Variants in ACOX1 observed in about 807,000 individuals in gnomAD.
The protein encoded by ACOX1 is acyl-CoA oxidase 1, also known as peroxisomal acyl-coenzyme A oxidase 1.
ACOX1 carries 41 observed loss-of-function variants against 75.5 expected under a neutral mutation model. The ratio of observed to expected loss-of-function variants is 0.54; its 90% CI spans 0.42 to 0.70. The LOEUF (loss-of-function observed/expected upper bound fraction) is 0.70. Ranked by LOEUF, ACOX1 falls within the 30% of genes least tolerant of loss-of-function variation. The pLI, the probability that ACOX1 is intolerant of heterozygous loss-of-function variation, is 0.00. For missense variants in ACOX1, 630 were observed against 837.5 expected (o/e 0.75, Z 3.06); for synonymous variants, 303 against 298.8 (o/e 1.01, Z -0.15).
At chr17:75,975,980 G>A (rs1384108055) in intron 2 of ACOX1, among the ~76,000 whole-genome samples, 1 of 151,990 alleles carries the variant, frequency 6.6e-6, no homozygotes, top group African/African-American at 2.4e-5. Context: ...AGAAAGAAAG[G>A]TGATGTATTT....
chr17:75,948,905 G>A lies in ACOX1; in HGVS notation c.1728+312C>T, dbSNP rs113620479. ...GACAGAGTATTGCTCTGTCACCCAG[G>A]CTGGAATGCAGTGGTTTCATCTTGG... On this transcript the variant is annotated intron_variant, in intron 12 of 13. Transcript: ENST00000293217. Among the ~76,000 whole-genome samples the A allele has an allele frequency of 0.12, 17,845 of 149,008 alleles. 1,622 individuals are homozygous for A. Among genetic ancestry groups the A allele is most frequent in the African/African-American group, 0.25 (10,217 of 40,230 alleles).
At chr17:75,970,755 T>G (rs1161398930) in intron 2 of ACOX1, among the ~76,000 whole-genome samples, 1 of 152,240 alleles carries the variant, frequency 6.6e-6, no homozygotes, top group Admixed American at 6.5e-5. Context: ...TAGTTAGATC[T>G]CATTCTATAT....
intron 2 of ACOX1, among the ~76,000 whole-genome samples, chr17:75,967,667 TATACATATATATACGTATATATATAC>T (rs1424601099): frequency 1.0e-5 from 1 of 98,560 alleles, no homozygotes; most frequent in Admixed American, 9.5e-5. Context: ...CATACATATA[TATACATATATATACGTATATATATAC>T]ATACATATAT....
intron 9 of ACOX1, 72 bp from the exon 10 acceptor site, chr17:75,949,969 C>T: frequency 6.4e-7 from 1 of 1,552,280 alleles, no homozygotes; most frequent in South Asian, 1.1e-5. Flanking sequence ...GAGTTTCATT[C>T]TTGTTGCCTA....
chr17:75,956,439 C>T (rs987494313), intron 4 of ACOX1, among the ~76,000 whole-genome samples: 2 of 152,034 alleles, frequency 1.3e-5, no homozygotes, highest in South Asian at 2.1e-4. Flanking sequence ...GCCTGTAATT[C>T]CAGCACTTTG....
chr17:75,959,848 G>T lies in ACOX1; in HGVS notation c.430+367C>A, dbSNP rs2144270435. Among the ~76,000 whole-genome samples the T allele has an allele frequency of 3.3e-5, 5 of 152,228 alleles. No individual in the cohort carries two copies. In the Middle Eastern group the frequency reaches 0.01, roughly 311 times the overall value. ...TCTTCTGGAATTTGTACTCATTAAG[G>T]TATCAGTAGTAAAGGTAATCAGATA... is the stretch of plus-strand genomic sequence containing the variant. On this transcript the variant is annotated intron_variant, in intron 3 of 13. Transcript: ENST00000293217.
chr17:75,956,428 C>T (rs1286876933), intron 4 of ACOX1, among the ~76,000 whole-genome samples: 12 of 152,036 alleles, frequency 7.9e-5, no homozygotes, highest in African/African-American at 1.4e-4. Context: ...CGGTGGCTCG[C>T]GCCTGTAATT....
intron 2 of ACOX1, among the ~76,000 whole-genome samples, chr17:75,967,714 A>T (rs372051374): frequency 7.5e-6 from 1 of 134,046 alleles, no homozygotes; most frequent in Non-Finnish European, 1.6e-5. Context: ...ATACATATAT[A>T]TATACACATA....
At chr17:75,972,321 T>C (rs561438402) in intron 2 of ACOX1, among the ~76,000 whole-genome samples, 982 of 90,880 alleles carry the variant, frequency 0.011, 9 homozygotes, top group Non-Finnish European at 0.016. Flanking sequence ...AGTGAGACTC[T>C]GTCTCCAAAA....
In ACOX1 at chr17:75,950,843, A is replaced by G. The variant is rs1212161854; in HGVS notation, c.1229T>C (p.Ile410Thr). The change falls in exon 9 of 14, where the codon ATT (isoleucine) becomes ACT (threonine). Residue 410 changes from isoleucine to threonine, a missense_variant. By Grantham distance (89) the Ile-to-Thr change is moderately conservative. This residue lies in a region of ACOX1 where 390 missense variants were observed against 574.9 expected (regional missense o/e 0.68). Transcript: ENST00000293217. This position sits in a 1 kb window ranked among gnomAD's most constrained non-coding sequence, Gnocchi z 4.3. ...GYSHCSGLPN[I>T]YVNFTPSCTF... is the part of the protein sequence containing the mutation. ...ACAGCTTGGGGTGAAATTGACATAA[A>G]TATTTGGAAGACCACTGCAATGAGA... 6.2e-7 allele frequency: 1 copy of G among 1,614,158 alleles called. No homozygotes were observed. Among genetic ancestry groups the G allele is most frequent in the South Asian group, 1.1e-5 (1 of 91,082 alleles).
At position 75,950,561 on chromosome 17, in the gene ACOX1, T is replaced by C. The variant is rs7217955; in HGVS notation, c.1298+213A>G. ...CACTGTGCCCAGCCCAGTAACTCTA[T>C]CCTTGATACAACTGCAAGCTATGTA... On this transcript the variant is annotated intron_variant, in intron 9 of 13. Transcript: ENST00000293217. This position sits in a 1 kb window ranked among gnomAD's most constrained non-coding sequence, Gnocchi z 4.3. Among the ~76,000 whole-genome samples, 28,115 of 152,056 alleles carry C rather than the reference T, an allele frequency of 0.18. 4,984 individuals carry two copies. The highest frequency in any genetic ancestry group is 0.47 in the African/African-American group (19,337 of 41,410).
intron 4 of ACOX1, among the ~76,000 whole-genome samples, chr17:75,956,909 T>TCCCC (rs1306653590): frequency 6.2e-5 from 2 of 32,104 alleles, no homozygotes; most frequent in African/African-American, 1.7e-4. Context: ...TGCCTGGCTT[T>TCCCC]CCTCTCTCTC....
rs1224454300 is a variant in ACOX1, at chr17:75,978,336, G to C, written c.269+198C>G. 2 of 557,870 alleles carry C rather than the reference G, an allele frequency of 3.6e-6. No homozygotes were observed. The highest frequency in any genetic ancestry group is 3.8e-5 in the African/African-American group (2 of 53,012). 34.6% of individuals were successfully genotyped at this position (557,870 alleles called of 1,614,324 possible). On this transcript the variant is annotated intron_variant, in intron 2 of 13. Coordinates refer to ENST00000293217, the MANE Select transcript of ACOX1 (RefSeq NM_004035.7). This position sits in a 1 kb window ranked among gnomAD's most constrained non-coding sequence, Gnocchi z 4.2. ...TCTCGATCTCCTGACTTGGTGATCC[G>C]CCCGCCTCGGCCTCCCAAAGTGCTG...
At position 75,942,700 on chromosome 17, in the gene ACOX1, T is replaced by C. The variant is rs994089593; in HGVS notation, c.*4048A>G. On this transcript the variant is annotated 3_prime_UTR_variant, in exon 14 of 14. Transcript: ENST00000293217. ...TAGCAGCTACTGCTTGAAGACAACC[T>C]ATATATCCCAGGCATACCCTCTACA... The C allele has an allele frequency of 3.9e-5, 6 of 151,994 alleles. No homozygotes were observed. The highest frequency in any genetic ancestry group is 1.5e-4 in the African/African-American group (6 of 41,378). The allele number at this position is 151,994 out of a possible 1,614,324, so 9.4% of individuals were successfully genotyped here.
chr17:75,977,296 C>T (rs774306283), intron 2 of ACOX1, among the ~76,000 whole-genome samples: 14 of 151,796 alleles, frequency 9.2e-5, no homozygotes, highest in Non-Finnish European at 1.5e-4. Flanking sequence ...GTGCCCGGCC[C>T]GAAGTCCTTA....
intron 7 of ACOX1, among the ~76,000 whole-genome samples, chr17:75,952,295 G>A (rs1182295653): frequency 6.6e-6 from 1 of 151,950 alleles, no homozygotes. Flanking sequence ...TTTTAAAAAT[G>A]TAATTATTAT....
chr17:75,969,429 G>A (rs1356171259), intron 2 of ACOX1, among the ~76,000 whole-genome samples: 1 of 152,176 alleles, frequency 6.6e-6, no homozygotes. Context: ...GCCTCCCAAA[G>A]TGCTGGGATT....
chr17:75,969,309 G>T (rs2065971342), intron 2 of ACOX1, among the ~76,000 whole-genome samples: 1 of 152,226 alleles, frequency 6.6e-6, no homozygotes, highest in African/African-American at 2.4e-5. Flanking sequence ...TGGGATTACA[G>T]GCACGCACCA....
At chr17:75,949,410 C>G (rs775003700) in intron 11 of ACOX1, 50 bp from the exon 12 acceptor site, 1 of 1,612,972 alleles carries the variant, frequency 6.2e-7, no homozygotes, top group Non-Finnish European at 8.5e-7. Context: ...GAAAAAGATT[C>G]AATATACAGT....
Sources: gnomAD v4.1 joint callset for allele counts (sites outside exome capture counted in the v4.1 genomes callset) on GRCh38, gnomAD v4.1.1 for gene constraint, gnomAD v4.1.1 regional missense constraint, Gnocchi (gnomAD v3.1) non-coding constraint, MANE v1.5 for transcripts, NCBI Gene and HGNC (gene_info 2026-07-23, HGNC 2026-07-21) for gene names.